FMN1: variants seen among roughly 807,000 people sequenced by gnomAD.
The protein encoded by FMN1 is formin 1.
Under a neutral mutation model 132.4 loss-of-function variants are expected in FMN1, and 110 were observed. The ratio of observed to expected loss-of-function variants is 0.83; its 90% CI spans 0.71 to 0.97. The LOEUF (loss-of-function observed/expected upper bound fraction) is 0.97, where lower values mean the gene tolerates loss of function less well. FMN1 is among the 50% of genes least tolerant of loss of function. The pLI is 0.00. For missense variants in FMN1, 1,792 were observed against 1,705.3 expected, an observed-to-expected ratio of 1.05 and a Z score of -0.90; for synonymous variants, 722 against 651.7, an observed-to-expected ratio of 1.11 and a Z score of -1.64.
chr15:32,985,678 A>C (rs1215188772), intron 7 of FMN1, among the ~76,000 whole-genome samples: 1 of 152,124 alleles, frequency 6.6e-6, no homozygotes, highest in Non-Finnish European at 1.5e-5. Context: ...CTGTGACTAC[A>C]TTCTTTTCAA....
chr15:32,769,923 A>G lies in FMN1; in HGVS notation c.*4387T>C, dbSNP rs928346495. ...CCACTTTTTGGCCATTTTTGTTTTT[A>G]TTAGGACAGACAGGATAAAAGAAAA... is the stretch of plus-strand genomic sequence containing the variant. On this transcript the variant is annotated 3_prime_UTR_variant, in exon 21 of 21. Transcript: ENST00000616417. 4 of 152,198 alleles carry G rather than the reference A, an allele frequency of 2.6e-5. No homozygotes were observed. Among genetic ancestry groups the G allele is most frequent in the African/African-American group, 9.6e-5 (4 of 41,454 alleles). 9.4% of individuals were successfully genotyped at this position (152,198 alleles called of 1,614,324 possible).
intron 16 of FMN1, among the ~76,000 whole-genome samples, chr15:32,885,455 A>G (rs371475006): frequency 1.1e-4 from 17 of 152,256 alleles, no homozygotes; most frequent in African/African-American, 4.1e-4. Context: ...AGTCGTATCT[A>G]GTTTCAAAAC....
At position 33,064,993 on chromosome 15, in the gene FMN1, T is replaced by G; in HGVS notation, c.2125A>C (p.Thr709Pro). The change falls in exon 6 of 21, where the codon ACA becomes CCA. Residue 709 changes from threonine (T) to proline (P), a missense_variant. Coordinates refer to ENST00000616417, the MANE Select transcript of FMN1 (RefSeq NM_001277313.2). ...AVWPPPKTKD[T>P]EEKVGLKYTE... is the part of the protein sequence containing the mutation. Reference sequence around the variant, plus strand: ...TACTTCAGTCCCACTTTTTCTTCTGTGTCTTTTGTCTTTGGGGGTGGCCAG... The same window carrying G: ...TACTTCAGTCCCACTTTTTCTTCTGGGTCTTTTGTCTTTGGGGGTGGCCAG... 1 of 1,612,262 alleles carries G rather than the reference T, an allele frequency of 6.2e-7. No homozygotes were observed. The highest frequency in any genetic ancestry group is 8.5e-7 in the Non-Finnish European group (1 of 1,179,180).
intron 18 of FMN1, among the ~76,000 whole-genome samples, chr15:32,801,730 G>A (rs1458573834): frequency 6.6e-6 from 1 of 152,248 alleles, no homozygotes; most frequent in African/African-American, 2.4e-5. Context: ...GGGAGGCAGA[G>A]CTTGCAGTGA....
chr15:33,122,262 C>T (rs555651840), intron 4 of FMN1, among the ~76,000 whole-genome samples: 3 of 152,262 alleles, frequency 2.0e-5, no homozygotes, highest in African/African-American at 7.2e-5. Flanking sequence ...TGTCATATTC[C>T]AATTTTGTGT....
At chr15:32,993,123 A>G (rs1310304511) in intron 7 of FMN1, among the ~76,000 whole-genome samples, 2 of 151,894 alleles carry the variant, frequency 1.3e-5, no homozygotes, top group Admixed American at 1.3e-4. Context: ...ACACCTGCTG[A>G]GGCCCCAGTG....
At chr15:32,884,298 C>A (rs557454186) in intron 16 of FMN1, among the ~76,000 whole-genome samples, 40 of 152,264 alleles carry the variant, frequency 2.6e-4, no homozygotes, top group African/African-American at 9.1e-4. Context: ...CTGTTCCTTG[C>A]CTTTTCCACT....
At chr15:32,899,003 T>C (rs976675299) in intron 14 of FMN1, 110 bp from the exon 15 acceptor site, 2 of 731,388 alleles carry the variant, frequency 2.7e-6, no homozygotes, top group African/African-American at 3.5e-5. Flanking sequence ...GAAAACTGGC[T>C]TTCTCTTCGA....
At chr15:33,187,005 A>C (rs1014712132) in intron 2 of FMN1, among the ~76,000 whole-genome samples, 2 of 152,192 alleles carry the variant, frequency 1.3e-5, no homozygotes, top group Non-Finnish European at 2.9e-5. Context: ...TGGTTTAACT[A>C]GTCCTGCCCA....
chr15:32,805,594 G>A (rs974236389), intron 17 of FMN1, among the ~76,000 whole-genome samples: 4 of 152,144 alleles, frequency 2.6e-5, no homozygotes, highest in Non-Finnish European at 1.5e-5. Context: ...AGCTAATAGT[G>A]GCCAAATAAT....
chr15:32,828,345 T>C (rs1381631891), intron 17 of FMN1, among the ~76,000 whole-genome samples: 1 of 152,246 alleles, frequency 6.6e-6, no homozygotes. Context: ...TGCAGAATGG[T>C]AAGCCCAATA....
chr15:32,897,033 T>C (rs2060176465), intron 15 of FMN1, among the ~76,000 whole-genome samples: 1 of 152,200 alleles, frequency 6.6e-6, no homozygotes, highest in South Asian at 2.1e-4. Flanking sequence ...CCACTGATGG[T>C]GCTAACTGGT....
Position 33,008,039 on chromosome 15 carries a change from T to A in FMN1, c.2198A>T (p.His733Leu). Residue 733 changes from histidine to leucine, a missense_variant, in exon 7 of 21, where the codon CAC becomes CTC. Transcript: ENST00000616417. ...QAAILHLKRE[H>L]KEEIENLQAQ... ...CTGCAGGTTTTCAATTTCTTCTTTGTGCTCCCTCTTCAAGTGTAAAATAGC... is the reference window on the plus strand; with the variant it reads ...CTGCAGGTTTTCAATTTCTTCTTTGAGCTCCCTCTTCAAGTGTAAAATAGC... 2.5e-6 allele frequency: 4 copies of A among 1,601,410 alleles called. No homozygotes were observed. Among genetic ancestry groups the A allele is most frequent in the Non-Finnish European group, 3.4e-6 (4 of 1,173,246 alleles).
chr15:32,907,186 T>G (rs999899452), intron 12 of FMN1, among the ~76,000 whole-genome samples: 6 of 152,162 alleles, frequency 3.9e-5, no homozygotes, highest in Admixed American at 3.9e-4. Context: ...TATTGTGCAC[T>G]TTATTTCCAT....
intron 6 of FMN1, among the ~76,000 whole-genome samples, chr15:33,050,535 A>C (rs916880341): frequency 6.6e-6 from 1 of 152,256 alleles, no homozygotes; most frequent in Admixed American, 6.5e-5. Flanking sequence ...AACACCACTT[A>C]TATCAGAAAA....
At chr15:33,064,819 CA>C (rs2037644011) in intron 6 of FMN1, 137 bp downstream of exon 6, 1 of 579,106 alleles carries the variant, frequency 1.7e-6, no homozygotes, top group African/African-American at 1.9e-5. Context: ...ACTTTAACAG[CA>C]AAACCAAAAA....
intron 6 of FMN1, among the ~76,000 whole-genome samples, chr15:33,049,226 TA>T (rs1443853016): frequency 6.6e-6 from 1 of 152,182 alleles, no homozygotes; most frequent in Non-Finnish European, 1.5e-5. Flanking sequence ...GAATTTTTTT[TA>T]AACAAAATTA....
chr15:32,844,908 T>G (rs541742813), intron 17 of FMN1, among the ~76,000 whole-genome samples: 1 of 152,344 alleles, frequency 6.6e-6, no homozygotes, highest in African/African-American at 2.4e-5. Flanking sequence ...CATACATTAG[T>G]CCTGCGTTCC....
chr15:33,002,893 A>G (rs920564011), intron 7 of FMN1, among the ~76,000 whole-genome samples: 2 of 152,220 alleles, frequency 1.3e-5, no homozygotes, highest in Non-Finnish European at 2.9e-5. Flanking sequence ...GTTTAAAACT[A>G]CAGCTAAGTG....
Sources: gnomAD v4.1 joint callset for allele counts (sites outside exome capture counted in the v4.1 genomes callset) on GRCh38, gnomAD v4.1.1 for gene constraint, MANE v1.5 for transcripts, NCBI Gene and HGNC (gene_info 2026-07-23, HGNC 2026-07-21) for gene names.